ITPR2: variants seen among roughly 807,000 people sequenced by gnomAD.
ITPR2 encodes the protein inositol 1,4,5-trisphosphate receptor type 2, also known as inositol 1,4,5-trisphosphate-gated calcium channel ITPR2.
Under a neutral mutation model 317.1 loss-of-function variants are expected in ITPR2, and 207 were observed. The ratio of observed to expected loss-of-function variants is 0.65; its 90% CI spans 0.58 to 0.73. ITPR2 has a LOEUF of 0.73. Among genes scored for constraint, ITPR2 ranks in the 30% least tolerant of loss-of-function variants. ITPR2 has a pLI of 0.00. For synonymous variants in ITPR2, 1,156 were observed against 1,149.1 expected (o/e 1.01, Z -0.12); for missense variants, 2,613 against 3,284.0 (o/e 0.80, Z 4.99).
intron 2 of ITPR2, among the ~76,000 whole-genome samples, chr12:26,729,590 T>C (rs1030306137): frequency 4.6e-5 from 7 of 152,126 alleles, no homozygotes; most frequent in African/African-American, 1.2e-4. Flanking sequence ...AAAGAAAACA[T>C]GGTACATATA....
chr12:26,782,464 G>A (rs1158743523), intron 2 of ITPR2, among the ~76,000 whole-genome samples: 1 of 152,024 alleles, frequency 6.6e-6, no homozygotes, highest in East Asian at 1.9e-4. Context: ...AATAGTTAAA[G>A]GGCTATTGTG....
At chr12:26,773,708 T>G (rs1949909758) in intron 2 of ITPR2, among the ~76,000 whole-genome samples, 1 of 152,216 alleles carries the variant, frequency 6.6e-6, no homozygotes, top group Non-Finnish European at 1.5e-5. Context: ...GCAACTTCCC[T>G]CTTCCCAATA....
intron 32 of ITPR2, among the ~76,000 whole-genome samples, chr12:26,590,121 G>A (rs1185964550): frequency 6.6e-6 from 1 of 151,946 alleles, no homozygotes; most frequent in Non-Finnish European, 1.5e-5. Flanking sequence ...CCAGCTGTTG[G>A]GGAAAAGCAC....
intron 13 of ITPR2, among the ~76,000 whole-genome samples, chr12:26,671,803 C>G (rs1235205680): frequency 2.6e-5 from 4 of 152,160 alleles, no homozygotes; most frequent in Non-Finnish European, 5.9e-5. Flanking sequence ...TTCAGGCAAC[C>G]TATCTCACGT....
intron 54 of ITPR2, among the ~76,000 whole-genome samples, chr12:26,390,608 G>T (rs969427015): frequency 2.6e-5 from 4 of 152,160 alleles, no homozygotes; most frequent in African/African-American, 9.7e-5. Context: ...ATCAGATGAT[G>T]GCTAAAGGGT....
At chr12:26,584,068 T>A (rs57447451) in intron 32 of ITPR2, among the ~76,000 whole-genome samples, 1,783 of 152,144 alleles carry the variant, frequency 0.012, 40 homozygotes, top group African/African-American at 0.041. Context: ...TTTCTCCCAA[T>A]CAAGAGAGAC....
chr12:26,803,871 G>A (rs1271787122), intron 1 of ITPR2, among the ~76,000 whole-genome samples: 5 of 152,244 alleles, frequency 3.3e-5, no homozygotes, highest in East Asian at 3.9e-4. Context: ...TCGGGCAACT[G>A]TAGACCAATT....
chr12:26,483,205 T>C (rs1942585455), intron 42 of ITPR2, among the ~76,000 whole-genome samples: 2 of 152,208 alleles, frequency 1.3e-5, no homozygotes, highest in African/African-American at 2.4e-5. Context: ...AAGTCCTTAG[T>C]TGTAAGAATG....
chr12:26,340,827 G>C (rs1461090434), intron 55 of ITPR2, among the ~76,000 whole-genome samples: 1 of 152,200 alleles, frequency 6.6e-6, no homozygotes, highest in African/African-American at 2.4e-5. Flanking sequence ...GCCTCCCTCA[G>C]AGCTCCACTT....
intron 9 of ITPR2, among the ~76,000 whole-genome samples, chr12:26,708,141 G>A (rs1948588927): frequency 6.6e-6 from 1 of 152,188 alleles, no homozygotes; most frequent in Admixed American, 6.5e-5. Context: ...CCCTCACATG[G>A]TTGGTAGGAA....
At chr12:26,498,409 A>G (rs1442515364) in intron 37 of ITPR2, among the ~76,000 whole-genome samples, 1 of 152,224 alleles carries the variant, frequency 6.6e-6, no homozygotes, top group East Asian at 1.9e-4. Context: ...AATTTCTTCC[A>G]AAAGGAAAGG....
intron 22 of ITPR2, among the ~76,000 whole-genome samples, chr12:26,629,281 A>G (rs1207131440): frequency 1.3e-5 from 2 of 152,096 alleles, no homozygotes; most frequent in African/African-American, 2.4e-5. Context: ...CCACTTCATA[A>G]TAATTACATT....
chr12:26,698,444 T>G (rs1009698596), intron 9 of ITPR2, among the ~76,000 whole-genome samples: 3 of 151,826 alleles, frequency 2.0e-5, no homozygotes, highest in Non-Finnish European at 4.4e-5. Flanking sequence ...ATTAAGTGGA[T>G]GAAGGCACAC....
intron 37 of ITPR2, among the ~76,000 whole-genome samples, chr12:26,545,095 C>G (rs1345370962): frequency 6.6e-6 from 1 of 152,132 alleles, no homozygotes; most frequent in Non-Finnish European, 1.5e-5. Flanking sequence ...CATCTACATT[C>G]TAGATGTTAT....
intron 37 of ITPR2, among the ~76,000 whole-genome samples, chr12:26,506,871 G>C (rs1943201597): frequency 6.6e-6 from 1 of 152,192 alleles, no homozygotes; most frequent in East Asian, 1.9e-4. Flanking sequence ...CTAATATTAT[G>C]TGAATATGTC....
Position 26,724,690 on chromosome 12 carries a change from A to C in ITPR2, c.332T>G (p.Leu111Trp). 3.1e-6 allele frequency: 5 copies of C among 1,604,490 alleles called. No homozygotes were observed. Among genetic ancestry groups the C allele is most frequent in the Non-Finnish European group, 4.3e-6 (5 of 1,172,920 alleles). Residue 111 changes from leucine (L) to tryptophan (W), a missense_variant, in exon 4 of 57, where the codon TTG becomes TGG. By Grantham distance (61) the Leu-to-Trp change is moderately conservative (BLOSUM62 -2). Around this residue, in one of 9 missense-constraint regions of ITPR2, gnomAD observed 515 missense variants for 789.4 expected, o/e 0.65. Coordinates refer to ENST00000381340, the MANE Select transcript of ITPR2 (RefSeq NM_002223.4). ...ATTACTGTATTTTACAATTTCTCCC[A>C]ACAGTTTCTTATTCTCCGATTCATT... ...KQNESENKKL[L>W]GEIVKYSNVI...
At chr12:26,595,046 G>A (rs998042474) in intron 32 of ITPR2, among the ~76,000 whole-genome samples, 2 of 152,160 alleles carry the variant, frequency 1.3e-5, no homozygotes, top group African/African-American at 2.4e-5. Context: ...GTCCTCAGTC[G>A]GCTGGTCAAG....
At chr12:26,764,625 T>C (rs907714684) in intron 2 of ITPR2, among the ~76,000 whole-genome samples, 1 of 151,798 alleles carries the variant, frequency 6.6e-6, no homozygotes, top group Non-Finnish European at 1.5e-5. Flanking sequence ...AATAAATAAA[T>C]AAACCACAAA....
At chr12:26,790,097 G>T (rs1438008779) in intron 2 of ITPR2, 60 bp downstream of exon 2, 1 of 1,066,954 alleles carries the variant, frequency 9.4e-7, no homozygotes, top group Non-Finnish European at 1.5e-6. Flanking sequence ...CTTACTTTGA[G>T]ACATAAAAAT....
Sources: allele counts gnomAD v4.1 joint callset (sites outside exome capture counted in the v4.1 genomes callset), GRCh38; gene constraint gnomAD v4.1.1; regional missense constraint gnomAD v4.1.1; transcripts MANE v1.5; gene names NCBI Gene and HGNC (gene_info 2026-07-23, HGNC 2026-07-21).